Variants in BCKDK observed in about 807,000 individuals in gnomAD.
BCKDK encodes the protein branched chain keto acid dehydrogenase kinase.
Under a neutral mutation model 43.9 loss-of-function variants are expected in BCKDK, and 28 were observed. The ratio of observed to expected loss-of-function variants is 0.64; its 90% CI spans 0.47 to 0.87. The LOEUF (loss-of-function observed/expected upper bound fraction) is 0.87, where lower values mean the gene tolerates loss of function less well. BCKDK is among the 40% of genes least tolerant of loss of function. The probability of loss-of-function intolerance (pLI) is 0.00; values close to 1 mark genes in which losing one functional copy is unlikely to be tolerated. For synonymous variants in BCKDK, 257 were observed against 234.3 expected, an observed-to-expected ratio of 1.10 and a Z score of -0.88; for missense variants, 483 against 581.4, an observed-to-expected ratio of 0.83 and a Z score of 1.74.
chr16:31,110,143 C>G lies in BCKDK; in HGVS notation c.423+19C>G. 1.2e-6 allele frequency: 2 copies of G among 1,614,176 alleles called. No homozygotes were observed. Among genetic ancestry groups the G allele is most frequent in the Non-Finnish European group, 1.7e-6 (2 of 1,180,038 alleles). On this transcript the variant is annotated intron_variant, in intron 5 of 11. Coordinates refer to ENST00000219794, the MANE Select transcript of BCKDK (RefSeq NM_005881.4). This position sits in a 1 kb window ranked among gnomAD's most constrained non-coding sequence, Gnocchi z 5.4. ...CCCTCCGGTGAGTGCTGGGCCAGAG[C>G]AGGGTGAGGGGCTGAGAGGTTGGGC...
Position 31,109,135 on chromosome 16 carries a change from A to C in BCKDK, c.-89A>C. The C allele has an allele frequency of 1.1e-5, 13 of 1,158,008 alleles. No homozygotes were observed. The highest frequency in any genetic ancestry group is 3.1e-5 in the African/African-American group (2 of 63,944). 71.7% of individuals were successfully genotyped at this position (1,158,008 alleles called of 1,614,324 possible). On this transcript the variant is annotated 5_prime_UTR_variant, in exon 2 of 12. Coordinates refer to ENST00000219794, the MANE Select transcript of BCKDK (RefSeq NM_005881.4). This position sits in a 1 kb window ranked among gnomAD's most constrained non-coding sequence, Gnocchi z 5.3. ...CGGAGAAGAGCCCCTACCCACCCAC[A>C]CCCCCTTGCCCCATTTTGGGTCGCC...
intron 10 of BCKDK, among the ~76,000 whole-genome samples, chr16:31,111,609 G>A (rs531583088): frequency 1.3e-4 from 20 of 152,308 alleles, no homozygotes; most frequent in Admixed American, 6.5e-4. Context: ...AGCAGCTGAG[G>A]AGCTTGAAAT....
chr16:31,117,438 G>C (rs1237797552), downstream of BCKDK: 6 of 388,734 alleles, frequency 1.5e-5, no homozygotes, highest in Non-Finnish European at 2.3e-5. Flanking sequence ...CATGAGGTAA[G>C]TCTGTCTCCT....
chr16:31,110,559 C>T lies in BCKDK; in HGVS notation c.642+60C>T. 1 of 1,601,346 alleles carries T rather than the reference C, an allele frequency of 6.2e-7. No individual in the cohort carries two copies. Among genetic ancestry groups the T allele is most frequent in the Non-Finnish European group, 8.6e-7 (1 of 1,169,066 alleles). Reference sequence around the variant, plus strand: ...ATTAAGTGAGACAGAGGAGACTGGGCTGGGGATCCGGGTCAAGGGCCTGGG... The same window carrying T: ...ATTAAGTGAGACAGAGGAGACTGGGTTGGGGATCCGGGTCAAGGGCCTGGG... On this transcript the variant is annotated intron_variant, in intron 7 of 11. Coordinates refer to ENST00000219794, the MANE Select transcript of BCKDK (RefSeq NM_005881.4). The surrounding 1 kb of genome is among the most constrained non-coding windows in gnomAD (Gnocchi z 5.4).
chr16:31,109,499 C>T lies in BCKDK; in HGVS notation c.196-12C>T. 6.2e-7 allele frequency: 1 copy of T among 1,614,042 alleles called. No homozygotes were observed. The highest frequency in any genetic ancestry group is 1.1e-5 in the South Asian group (1 of 91,072). On this transcript the variant is annotated splice_polypyrimidine_tract_variant and intron_variant, in intron 2 of 11. Transcript: ENST00000219794. The surrounding 1 kb of genome is among the most constrained non-coding windows in gnomAD (Gnocchi z 5.3). ...TGGGGGTTCTCTGCTCAAGGCCTCT[C>T]TCCCTCTCTAGCCCTCAGTCCGCCT...
chr16:31,111,687 A>G (rs1213749144), intron 10 of BCKDK, among the ~76,000 whole-genome samples, 182 bp from the exon 11 acceptor site: 1 of 152,132 alleles, frequency 6.6e-6, no homozygotes, highest in African/African-American at 2.4e-5. Flanking sequence ...GTGAGAAGGT[A>G]TAAGCAGTCA....
chr16:31,111,034 C>G, intron 8 of BCKDK, 57 bp from the exon 9 acceptor site: 1 of 1,602,786 alleles, frequency 6.2e-7, no homozygotes, highest in Non-Finnish European at 8.5e-7. Flanking sequence ...AGAATTGTTT[C>G]CAGTTGCAAA....
In BCKDK at chr16:31,111,396, C is replaced by T; in HGVS notation, c.935+7C>T. ...ATGTCGATCTGATCATCAGGTTTGC[C>T]CTGAGTGGGAGTTGAGCTGAGGTGG... On this transcript the variant is annotated splice_region_variant and intron_variant, in intron 10 of 11. Transcript: ENST00000219794. 1 of 1,613,770 alleles carries T rather than the reference C, an allele frequency of 6.2e-7. No individual in the cohort carries two copies. Among genetic ancestry groups the T allele is most frequent in the Non-Finnish European group, 8.5e-7 (1 of 1,179,762 alleles).
chr16:31,112,422 GC>G lies in BCKDK; in HGVS notation c.*159del. On this transcript the variant is annotated 3_prime_UTR_variant, in exon 12 of 12. Coordinates refer to ENST00000219794, the MANE Select transcript of BCKDK (RefSeq NM_005881.4). The surrounding 1 kb of genome is among the most constrained non-coding windows in gnomAD (Gnocchi z 5.0). ...CTTACATGGAGCTGGGCACTGCCCT[GC>G]CTCAACAGGGTCCATTGCCTCCTCG... The G allele has an allele frequency of 8.0e-7, 1 of 1,247,644 alleles. No homozygotes were observed. Among genetic ancestry groups the G allele is most frequent in the Non-Finnish European group, 1.1e-6 (1 of 883,438 alleles). The allele number at this position is 1,247,644 out of a possible 1,614,324, so 77.3% of individuals were successfully genotyped here.
At position 31,110,848 on chromosome 16, in the gene BCKDK, G is replaced by T; in HGVS notation, c.716+87G>T. 1 of 1,492,498 alleles carries T rather than the reference G, an allele frequency of 6.7e-7. No individual in the cohort carries two copies. The highest frequency in any genetic ancestry group is 9.3e-7 in the Non-Finnish European group (1 of 1,072,534). The allele number at this position is 1,492,498 out of a possible 1,614,324, so 92.5% of individuals were successfully genotyped here. A position where few individuals can be genotyped will look rare whatever the true frequency, so the allele number is the denominator to read the frequency against. Reference sequence around the variant, plus strand: ...GCCCTTGCCCGGGGCATGATCTGCGGGGAGCAGGGTTTCTCAACCATGGCA... The same window carrying T: ...GCCCTTGCCCGGGGCATGATCTGCGTGGAGCAGGGTTTCTCAACCATGGCA... On this transcript the variant is annotated intron_variant, in intron 8 of 11. Transcript: ENST00000219794. The surrounding 1 kb of genome is among the most constrained non-coding windows in gnomAD (Gnocchi z 5.4).
chr16:31,109,493 G>A lies in BCKDK; in HGVS notation c.196-18G>A. 3 of 1,614,022 alleles carry A rather than the reference G, an allele frequency of 1.9e-6. No homozygotes were observed. The highest frequency in any genetic ancestry group is 2.5e-6 in the Non-Finnish European group (3 of 1,179,996). ...GAGTGTTGGGGGTTCTCTGCTCAAG[G>A]CCTCTCTCCCTCTCTAGCCCTCAGT... On this transcript the variant is annotated intron_variant, in intron 2 of 11. Transcript: ENST00000219794. This position sits in a 1 kb window ranked among gnomAD's most constrained non-coding sequence, Gnocchi z 5.3.
In BCKDK at chr16:31,109,764, A is replaced by G; in HGVS notation, c.356A>G (p.Asn119Ser). Residue 119 changes from asparagine (N) to serine (S), a missense_variant, in exon 4 of 12, where the codon AAC (asparagine) becomes AGC (serine). Coordinates refer to ENST00000219794, the MANE Select transcript of BCKDK (RefSeq NM_005881.4). The surrounding 1 kb of genome is among the most constrained non-coding windows in gnomAD (Gnocchi z 5.3). ...FRCLPFIIGC[N>S]PTILHVHELY... ...TGCCTTCCTTTCATCATTGGCTGCA[A>G]CCCCACCATACTGCACGTGGTAAGG... The G allele has an allele frequency of 6.2e-7, 1 of 1,613,554 alleles. No individual in the cohort carries two copies. Among genetic ancestry groups the G allele is most frequent in the Admixed American group, 1.7e-5 (1 of 60,002 alleles).
chr16:31,117,480 G>A, downstream of BCKDK: 2 of 413,650 alleles, frequency 4.8e-6, no homozygotes, highest in Non-Finnish European at 4.2e-6. Flanking sequence ...CCACAGGTCC[G>A]CACGGAAAAC....
downstream of BCKDK, chr16:31,117,369 A>AAAATAAATAAAT (rs533043650): frequency 0.1 from 15,320 of 146,408 alleles, 864 homozygotes; most frequent in African/African-American, 0.12. Flanking sequence ...ATTCCGTCTC[A>AAAATAAATAAAT]AAATAAATAA....
In BCKDK at chr16:31,111,284, T is replaced by C. The variant is rs1205207580; in HGVS notation, c.846-16T>C. On this transcript the variant is annotated splice_polypyrimidine_tract_variant and intron_variant, in intron 9 of 11. Transcript: ENST00000219794. ...ACCGGGGTGCTTGTACCTACTGGTC[T>C]TTCCCCTCTGCATAGAGCCACAATG... The C allele has an allele frequency of 1.2e-6, 2 of 1,614,002 alleles. No homozygotes were observed. Among genetic ancestry groups the C allele is most frequent in the South Asian group, 1.1e-5 (1 of 91,086 alleles).
At chr16:31,111,816 G>A (rs1287567884) in intron 10 of BCKDK, 53 bp from the exon 11 acceptor site, 1 of 1,603,786 alleles carries the variant, frequency 6.2e-7, no homozygotes, top group African/African-American at 1.3e-5. Flanking sequence ...TTGGGGGGTG[G>A]TGAGTACCCC....
downstream of BCKDK, chr16:31,117,614 A>T (rs979846183): frequency 5.8e-5 from 73 of 1,250,864 alleles, no homozygotes; most frequent in Non-Finnish European, 5.5e-5. Context: ...AGCCCGCCCC[A>T]CGCACTGCTG....
rs370032941 is a variant in BCKDK at position 31,110,682 on chromosome 16, G to A, written c.643-6G>A. On this transcript the variant is annotated splice_polypyrimidine_tract_variant and splice_region_variant and intron_variant, in intron 7 of 11. Coordinates refer to ENST00000219794, the MANE Select transcript of BCKDK (RefSeq NM_005881.4). The surrounding 1 kb of genome is among the most constrained non-coding windows in gnomAD (Gnocchi z 5.4). ...TGGGTAGTCCTGACCTCCTTTCTCC[G>A]GCCAGCCTGACTTTGTCGGCATCAT... The A allele has an allele frequency of 1.9e-6, 3 of 1,614,040 alleles. No individual in the cohort carries two copies. Among genetic ancestry groups the A allele is most frequent in the Non-Finnish European group, 2.5e-6 (3 of 1,179,994 alleles).
rs773378545 is a variant in BCKDK at position 31,110,294 on chromosome 16, G to C, written c.513G>C (p.Glu171Asp). 2.5e-6 allele frequency: 4 copies of C among 1,614,024 alleles called. No individual in the cohort carries two copies. The East Asian group carries it at 6.7e-5, about 27-fold the overall frequency. The change falls in exon 6 of 12, where the codon GAG becomes GAC. Residue 171 changes from glutamate (E) to aspartate (D), a missense_variant. Glu to Asp is a conservative substitution (Grantham distance 45). Transcript: ENST00000219794. This position sits in a 1 kb window ranked among gnomAD's most constrained non-coding sequence, Gnocchi z 5.4. Reference sequence around the variant, plus strand: ...AGGATGTGGTGACCCTCTTGGCAGAGGGCCTACGTGAGAGCCGGAAGCACA... The same window carrying C: ...AGGATGTGGTGACCCTCTTGGCAGACGGCCTACGTGAGAGCCGGAAGCACA... ...DHKDVVTLLA[E>D]GLRESRKHIE...
Sources: gnomAD v4.1 joint callset for allele counts (sites outside exome capture counted in the v4.1 genomes callset) on GRCh38, gnomAD v4.1.1 for gene constraint, Gnocchi (gnomAD v3.1) non-coding constraint, MANE v1.5 for transcripts, NCBI Gene and HGNC (gene_info 2026-07-23, HGNC 2026-07-21) for gene names.